The following HS6ST2 variants were observed in gnomAD, a reference collection of about 807,000 sequenced individuals.
HS6ST2 encodes the protein heparan sulfate 6-O-sulfotransferase 2.
In HS6ST2, 17 loss-of-function variants were observed where a neutral mutation model predicts 33.0. That is an observed-to-expected ratio of 0.52 (90% CI 0.35 to 0.77). HS6ST2 has a LOEUF of 0.77. Among genes scored for constraint, HS6ST2 ranks in the 30% least tolerant of loss-of-function variants. The pLI is 0.01. For missense variants in HS6ST2, 519 were observed against 551.7 expected, an observed-to-expected ratio of 0.94 and a Z score of 0.59; for synonymous variants, 248 against 237.1, an observed-to-expected ratio of 1.05 and a Z score of -0.42.
chrX:132,722,916 A>C (rs1389808197), intron 2 of HS6ST2, among the ~76,000 whole-genome samples: 2 of 110,309 alleles, frequency 1.8e-5, no homozygotes, highest in African/African-American at 6.5e-5. Flanking sequence ...AAACAAAAAA[A>C]CCAAAAAGTT....
chrX:132,890,031 C>T (rs184721179), intron 2 of HS6ST2, among the ~76,000 whole-genome samples: 4 of 111,651 alleles, frequency 3.6e-5, no homozygotes, highest in African/African-American at 1.3e-4. Context: ...GCAACAGTAA[C>T]TCTTTGTACC....
chrX:132,650,443 T>C (rs1378358314), intron 4 of HS6ST2, among the ~76,000 whole-genome samples: 1 of 111,407 alleles, frequency 9.0e-6, no homozygotes, highest in Non-Finnish European at 1.9e-5. Context: ...TAGTGATAAA[T>C]TGTGGACATC....
intron 4 of HS6ST2, among the ~76,000 whole-genome samples, chrX:132,650,374 T>C (rs1445343561): frequency 9.0e-6 from 1 of 111,331 alleles, no homozygotes; most frequent in Admixed American, 9.5e-5. Context: ...GCTTAGAGTA[T>C]GGAGGTCACT....
upstream of HS6ST2, among the ~76,000 whole-genome samples, chrX:132,960,048 C>T (rs1172172091): frequency 8.9e-6 from 1 of 112,115 alleles, no homozygotes; most frequent in Non-Finnish European, 1.9e-5. Context: ...TTTGGGAATC[C>T]TGAATTTCTA....
intron 4 of HS6ST2, among the ~76,000 whole-genome samples, chrX:132,644,149 G>A (rs2063623265): frequency 9.3e-6 from 1 of 107,005 alleles, no homozygotes; most frequent in Admixed American, 1.0e-4. Flanking sequence ...AGGAAGGAAA[G>A]AAGGAAGATG....
At chrX:132,794,483 T>G (rs2065152955) in intron 2 of HS6ST2, among the ~76,000 whole-genome samples, 1 of 110,519 alleles carries the variant, frequency 9.0e-6, no homozygotes, top group South Asian at 3.9e-4. Context: ...AGCCCTGTCC[T>G]CCCAGGCTCA....
chrX:132,670,234 A>T (rs1430754060), intron 3 of HS6ST2, among the ~76,000 whole-genome samples: 1 of 112,030 alleles, frequency 8.9e-6, no homozygotes, highest in Non-Finnish European at 1.9e-5. Context: ...TGTCTCAGAA[A>T]ATGTCAAACA....
chrX:132,881,279 C>T (rs1405184619), intron 2 of HS6ST2, among the ~76,000 whole-genome samples: 11 of 110,204 alleles, frequency 1.0e-4, no homozygotes, highest in East Asian at 2.8e-4. Flanking sequence ...CACATCCTCT[C>T]CAGCACCTGT....
At chrX:132,686,603 T>C (rs958767940) in intron 3 of HS6ST2, among the ~76,000 whole-genome samples, 3 of 111,991 alleles carry the variant, frequency 2.7e-5, no homozygotes, top group Non-Finnish European at 5.6e-5. Flanking sequence ...GCTGAAAACC[T>C]GGAGCTCTTA....
chrX:132,651,434 T>C (rs1464596657), intron 4 of HS6ST2, among the ~76,000 whole-genome samples: 2 of 111,954 alleles, frequency 1.8e-5, no homozygotes, highest in Non-Finnish European at 3.8e-5. Flanking sequence ...TTCCATATAA[T>C]CATTCTCCTC....
At chrX:132,648,181 A>G (rs1395654396) in intron 4 of HS6ST2, among the ~76,000 whole-genome samples, 2 of 112,017 alleles carry the variant, frequency 1.8e-5, no homozygotes, top group Admixed American at 9.5e-5. Context: ...AGACTTACAC[A>G]CTTTGGGCAG....
chrX:132,769,652 T>G (rs1198506442), intron 2 of HS6ST2, among the ~76,000 whole-genome samples: 1 of 112,478 alleles, frequency 8.9e-6, no homozygotes, highest in Non-Finnish European at 1.9e-5. Flanking sequence ...CTAAAAAGCT[T>G]TGGGCTTGGT....
chrX:132,684,990 C>T (rs1195304971), intron 3 of HS6ST2, among the ~76,000 whole-genome samples: 1 of 111,695 alleles, frequency 9.0e-6, no homozygotes, highest in Admixed American at 9.5e-5. Context: ...ATTTGATGCT[C>T]TCTGAAGACT....
intron 2 of HS6ST2, among the ~76,000 whole-genome samples, chrX:132,821,445 C>T (rs2065457032): frequency 9.1e-6 from 1 of 109,678 alleles, no homozygotes; most frequent in African/African-American, 3.3e-5. Flanking sequence ...ATCTCCTGAC[C>T]TTGTGATCCG....
intron 2 of HS6ST2, among the ~76,000 whole-genome samples, chrX:132,838,457 T>G (rs187967501): frequency 2.9e-4 from 32 of 111,564 alleles, no homozygotes; most frequent in African/African-American, 1.0e-3. Flanking sequence ...AAAGGGATGG[T>G]CTAAGGAGGC....
chrX:132,800,086 A>G (rs376968057), intron 2 of HS6ST2, among the ~76,000 whole-genome samples: 2 of 112,031 alleles, frequency 1.8e-5, no homozygotes, highest in East Asian at 5.7e-4. Context: ...CCCTCAGGCC[A>G]TGGACCGGGT....
rs200784395 is a variant in HS6ST2, at chrX:132,724,137, A to AAAAAGAAAAG, written c.948-15653_948-15644dup. Reference sequence around the variant, plus strand: ...TGGTGACAAAGCAAGACTCCATTTCAAAAAGAAAAGAAAAGAAAAGAAAAG... The same window carrying AAAAAGAAAAG: ...TGGTGACAAAGCAAGACTCCATTTCAAAAAGAAAAGAAAAGAAAAGAAAAGAAAAGAAAAG... On this transcript the variant is annotated intron_variant, in intron 2 of 4. Coordinates refer to ENST00000370833, the MANE Select transcript of HS6ST2 (RefSeq NM_001394073.1). 3.7e-3 allele frequency among the ~76,000 whole-genome samples: 385 copies of AAAAAGAAAAG among 104,061 alleles called. 2 individuals carry two copies. Among genetic ancestry groups the AAAAAGAAAAG allele is most frequent in the African/African-American group, 9.1e-3 (253 of 27,678 alleles). 90.4% of individuals were successfully genotyped at this position (104,061 alleles called of 115,157 possible).
At chrX:132,666,152 C>T (rs2063808235) in intron 4 of HS6ST2, among the ~76,000 whole-genome samples, 1 of 111,806 alleles carries the variant, frequency 8.9e-6, no homozygotes, top group African/African-American at 3.3e-5. Flanking sequence ...TTTCTCTGAC[C>T]TAACCTTGCT....
chrX:132,634,863 T>C (rs1183492089), intron 4 of HS6ST2, among the ~76,000 whole-genome samples: 1 of 111,338 alleles, frequency 9.0e-6, no homozygotes, highest in Non-Finnish European at 1.9e-5. Flanking sequence ...CAGGAAAGGC[T>C]GCCTTTTGGG....
Sources: allele counts gnomAD v4.1 joint callset (sites outside exome capture counted in the v4.1 genomes callset), GRCh38; gene constraint gnomAD v4.1.1; transcripts MANE v1.5; gene names NCBI Gene and HGNC (gene_info 2026-07-23, HGNC 2026-07-21).